The following AXIN1 variants were observed in gnomAD, a reference collection of about 807,000 sequenced individuals.
AXIN1 encodes axin-1.
AXIN1 carries 30 observed loss-of-function variants against 76.4 expected under a neutral mutation model. The observed-to-expected ratio is 0.39, with a 90% CI of 0.29 to 0.53. The LOEUF is 0.53. Among genes scored for constraint, AXIN1 ranks in the 20% least tolerant of loss-of-function variants. The pLI is 0.66. For synonymous variants in AXIN1, 545 were observed against 501.4 expected (o/e 1.09, Z -1.16); for missense variants, 1,140 against 1,198.8 (o/e 0.95, Z 0.72).
intron 8 of AXIN1, chr16:291,812 C>T (rs576709557): frequency 2.4e-4 from 52 of 213,234 alleles, no homozygotes; most frequent in Admixed American, 2.0e-3. Context: ...GTACACTGGG[C>T]GACCTTGATG....
At position 314,336 on chromosome 16, in the gene AXIN1, C is replaced by T. The variant is rs965122639; in HGVS notation, c.1019+207G>A. ...AGCCAGGAAACACTTTTCCTGAAGA[C>T]AAAGCCCAGGCATCTCTGGGTCAGC... On this transcript the variant is annotated intron_variant, in intron 3 of 10. Coordinates refer to ENST00000262320, the MANE Select transcript of AXIN1 (RefSeq NM_003502.4). Among the ~76,000 whole-genome samples the T allele has an allele frequency of 3.9e-5, 6 of 152,218 alleles. No homozygotes were observed. In the East Asian group the frequency reaches 1.2e-3, roughly 29 times the overall value.
At chr16:289,738 C>T in intron 9 of AXIN1, 131 bp from the exon 10 acceptor site, 1 of 1,133,698 alleles carries the variant, frequency 8.8e-7, no homozygotes, top group South Asian at 1.4e-5. Flanking sequence ...ATTCAAACAC[C>T]TGGGGCCCGC....
chr16:345,376 TG>T (rs1253173270), intron 2 of AXIN1, among the ~76,000 whole-genome samples: 1 of 152,220 alleles, frequency 6.6e-6, no homozygotes, highest in Non-Finnish European at 1.5e-5. Flanking sequence ...ACGTCCCCCC[TG>T]CTATTTCTCA....
intron 2 of AXIN1, among the ~76,000 whole-genome samples, chr16:338,858 G>A (rs1186923280): frequency 6.6e-6 from 1 of 152,040 alleles, no homozygotes; most frequent in African/African-American, 2.4e-5. Flanking sequence ...GAGAGGCAGA[G>A]GTTGCAGTGA....
chr16:314,200 C>T (rs1176198100), intron 3 of AXIN1, among the ~76,000 whole-genome samples: 2 of 152,222 alleles, frequency 1.3e-5, no homozygotes, highest in Non-Finnish European at 2.9e-5. Context: ...GCCCTGGTCA[C>T]AGAGAGAAGC....
chr16:334,268 A>C (rs1467540292), intron 2 of AXIN1, among the ~76,000 whole-genome samples: 1 of 145,468 alleles, frequency 6.9e-6, no homozygotes, highest in Non-Finnish European at 1.5e-5. Flanking sequence ...ACAGTACACC[A>C]ATAACACAGC....
intron 2 of AXIN1, among the ~76,000 whole-genome samples, chr16:328,384 C>A (rs1280216332): frequency 6.6e-6 from 1 of 151,588 alleles, no homozygotes; most frequent in Non-Finnish European, 1.5e-5. Flanking sequence ...CACAGCAAGA[C>A]TCTGTCACTA....
intron 1 of AXIN1, 87 bp downstream of exon 1, chr16:352,282 T>G: frequency 7.4e-6 from 6 of 812,774 alleles, no homozygotes; most frequent in Non-Finnish European, 8.9e-6. Context: ...CCCACGCGCG[T>G]CAGCCACCCG....
chr16:326,370 A>AT (rs1415761664), intron 2 of AXIN1, among the ~76,000 whole-genome samples: 1,754 of 88,788 alleles, frequency 0.02, 10 homozygotes, highest in Non-Finnish European at 0.025. Context: ...AAAAAAAAAA[A>AT]AAATATATAT....
chr16:301,039 G>A (rs912846150), intron 5 of AXIN1, among the ~76,000 whole-genome samples: 7 of 152,186 alleles, frequency 4.6e-5, no homozygotes, highest in Non-Finnish European at 8.8e-5. Context: ...GGGAGGCCGA[G>A]GCGGGTGGAT....
intron 3 of AXIN1, among the ~76,000 whole-genome samples, chr16:311,770 C>CAA (rs1567279243): frequency 6.6e-6 from 1 of 151,862 alleles, no homozygotes; most frequent in African/African-American, 2.4e-5. Flanking sequence ...GACTACGTCT[C>CAA]AAAAAAGAAA....
rs2141476400 is a variant in AXIN1 at position 291,258 on chromosome 16, G to A, written c.2226C>T (p.Val742=). The change falls in exon 9 of 11, where the codon GTC becomes GTT. Residue 742 remains valine, a synonymous_variant. Transcript: ENST00000262320. ...QEVMRRGRAC[V]RPACAPVLHV... The stretch of plus-strand genomic sequence containing the variant: ...GCAGCACCGGCGCGCACGCTGGCCT[G>A]ACGCAGGCGCGTCCCCGCCGCATAA... 7 of 1,585,022 alleles carry A rather than the reference G, an allele frequency of 4.4e-6. No individual in the cohort carries two copies. Among genetic ancestry groups the A allele is most frequent in the Non-Finnish European group, 6.0e-6 (7 of 1,166,496 alleles).
intron 4 of AXIN1, among the ~76,000 whole-genome samples, chr16:307,320 G>A (rs1314227352): frequency 6.6e-6 from 1 of 152,228 alleles, no homozygotes; most frequent in Non-Finnish European, 1.5e-5. Flanking sequence ...CAGCAAAACT[G>A]TCAGAGTCAT....
intron 4 of AXIN1, among the ~76,000 whole-genome samples, chr16:305,385 G>A (rs959942693): frequency 1.2e-4 from 19 of 152,184 alleles, no homozygotes; most frequent in Admixed American, 3.9e-4. Flanking sequence ...TGGGAGGATC[G>A]GATCGCATAA....
intron 2 of AXIN1, among the ~76,000 whole-genome samples, chr16:318,953 G>T (rs2053374704): frequency 6.6e-6 from 1 of 151,718 alleles, no homozygotes; most frequent in African/African-American, 2.4e-5. Flanking sequence ...AGAGAATGCG[G>T]CCGGGGCCTT....
At chr16:321,029 C>T (rs536591547) in intron 2 of AXIN1, among the ~76,000 whole-genome samples, 5 of 152,238 alleles carry the variant, frequency 3.3e-5, no homozygotes, top group East Asian at 1.9e-4. Context: ...TAAGCCACTG[C>T]GCCTGCCCAC....
At chr16:334,208 T>G (rs980155915) in intron 2 of AXIN1, among the ~76,000 whole-genome samples, 2 of 131,192 alleles carry the variant, frequency 1.5e-5, no homozygotes, top group Admixed American at 1.7e-4. Flanking sequence ...GGCATGCCAA[T>G]AACACAGCAC....
chr16:309,951 G>C, intron 4 of AXIN1, 22 bp downstream of exon 4: 1 of 1,610,770 alleles, frequency 6.2e-7, no homozygotes, highest in Non-Finnish European at 8.5e-7. Flanking sequence ...GATGGGCTGA[G>C]GACCGCAAAG....
At position 293,497 on chromosome 16, in the gene AXIN1, G is replaced by C. The variant is rs201439850; in HGVS notation, c.2177C>G (p.Ser726Cys). 1 of 1,609,414 alleles carries C rather than the reference G, an allele frequency of 6.2e-7. No homozygotes were observed. ...EEEKRASRAPSKQRYVQEVMR... is the reference protein window; with the variant it reads ...EEEKRASRAPCKQRYVQEVMR... ...CACGACGCGGCCGTACCTCTGCTTG[G>C]AGGGTGCTCGGCTGGCTCTCTTTTC... Residue 726 changes from serine (S) to cysteine (C), a missense_variant, in exon 8 of 11, where the codon TCC becomes TGC. Ser to Cys is a moderately radical substitution (Grantham distance 112). Coordinates refer to ENST00000262320, the MANE Select transcript of AXIN1 (RefSeq NM_003502.4). The surrounding 1 kb of genome is among the most constrained non-coding windows in gnomAD (Gnocchi z 4.6).
Sources: allele counts gnomAD v4.1 joint callset (sites outside exome capture counted in the v4.1 genomes callset), GRCh38; gene constraint gnomAD v4.1.1; non-coding constraint Gnocchi (gnomAD v3.1); transcripts MANE v1.5; gene names NCBI Gene and HGNC (gene_info 2026-07-23, HGNC 2026-07-21).